The following ITPK1 variants were observed in gnomAD, a reference collection of about 807,000 sequenced individuals.
The protein encoded by ITPK1 is inositol 1,3,4-trisphosphate 5/6-kinase.
ITPK1 carries 21 observed loss-of-function variants against 45.3 expected under a neutral mutation model. The ratio of observed to expected loss-of-function variants is 0.46; its 90% CI spans 0.33 to 0.67. The LOEUF (loss-of-function observed/expected upper bound fraction) is 0.67. Among genes scored for constraint, ITPK1 ranks in the 30% least tolerant of loss-of-function variants. The pLI, the probability that ITPK1 is intolerant of heterozygous loss-of-function variation, is 0.02. For synonymous variants in ITPK1, 258 were observed against 253.6 expected (o/e 1.02, Z -0.16); for missense variants, 474 against 573.5 (o/e 0.83, Z 1.77).
chr14:92,967,129 A>T (rs1318912613), intron 5 of ITPK1, among the ~76,000 whole-genome samples: 1 of 152,250 alleles, frequency 6.6e-6, no homozygotes, highest in Non-Finnish European at 1.5e-5. Flanking sequence ...TTCAAAGAGC[A>T]CTATAAAGAA....
At chr14:92,963,876 G>A (rs1885214225) in intron 5 of ITPK1, among the ~76,000 whole-genome samples, 1 of 152,188 alleles carries the variant, frequency 6.6e-6, no homozygotes. Context: ...CTGTACTTCA[G>A]GGCACAGGGG....
intron 2 of ITPK1, among the ~76,000 whole-genome samples, chr14:93,078,896 C>A (rs1891330578): frequency 6.6e-6 from 1 of 152,180 alleles, no homozygotes; most frequent in Admixed American, 6.5e-5. Flanking sequence ...GGCCCTGCTC[C>A]AGGACAGAAA....
intron 3 of ITPK1, among the ~76,000 whole-genome samples, chr14:93,027,446 C>A (rs1005328003): frequency 6.6e-6 from 1 of 152,190 alleles, no homozygotes; most frequent in East Asian, 1.9e-4. Flanking sequence ...TCAATGACCC[C>A]ATGAGGCAGA....
chr14:92,960,952 G>A (rs1370406210), intron 7 of ITPK1, among the ~76,000 whole-genome samples: 1 of 152,202 alleles, frequency 6.6e-6, no homozygotes, highest in East Asian at 1.9e-4. Context: ...ACGGGACGGC[G>A]GGCTGTCTCC....
rs565404274 is a variant in ITPK1 at position 92,993,603 on chromosome 14, C to T, written c.364+277G>A. ...TCCTGCTCTCCAGCCACTGTGTTAC[C>T]GGGACACTTCAATGTCACCCATGGG... On this transcript the variant is annotated intron_variant, in intron 5 of 10. Transcript: ENST00000267615. Among the ~76,000 whole-genome samples, 3 of 152,270 alleles carry T rather than the reference C, an allele frequency of 2.0e-5. No individual in the cohort carries two copies. In the East Asian group the frequency reaches 5.8e-4, roughly 29 times the overall value.
chr14:93,105,449 G>A (rs1032770667), intron 2 of ITPK1, among the ~76,000 whole-genome samples: 1 of 151,790 alleles, frequency 6.6e-6, no homozygotes, highest in African/African-American at 2.4e-5. Flanking sequence ...CCCCTTCCCA[G>A]GAGAATCTTC....
intron 3 of ITPK1, among the ~76,000 whole-genome samples, chr14:93,048,509 A>C (rs1371850890): frequency 1.3e-5 from 2 of 152,196 alleles, no homozygotes; most frequent in Non-Finnish European, 2.9e-5. Flanking sequence ...CTATTCTGCC[A>C]TGCTCGCCAT....
At position 92,940,757 on chromosome 14, in the gene ITPK1, A is replaced by G; in HGVS notation, c.*804T>C. On this transcript the variant is annotated 3_prime_UTR_variant, in exon 11 of 11. Coordinates refer to ENST00000267615, the MANE Select transcript of ITPK1 (RefSeq NM_014216.6). ...CAAAGACCTGGAATGATTTGCCCAA[A>G]TCACAGCACAAATCCTCAGCACAGG... The G allele has an allele frequency of 7.8e-7, 1 of 1,289,200 alleles. No individual in the cohort carries two copies. The highest frequency in any genetic ancestry group is 1.0e-6 in the Non-Finnish European group (1 of 988,766). The allele number at this position is 1,289,200 out of a possible 1,614,324, so 79.9% of individuals were successfully genotyped here.
Position 92,993,992 on chromosome 14 carries a change from G to A in ITPK1, c.252C>T (p.Tyr84=). ...SLELVHRFQE[Y]IDAHPETIVL... ...CGATGGTCTCAGGGTGGGCATCGATGTACTCCTGAAAGGGAAGCATGCTGC... is the reference window on the plus strand; with the variant it reads ...CGATGGTCTCAGGGTGGGCATCGATATACTCCTGAAAGGGAAGCATGCTGC... The change falls in exon 5 of 11, where the codon TAC becomes TAT. Residue 84 remains tyrosine, a synonymous_variant. Transcript: ENST00000267615. 6.2e-7 allele frequency: 1 copy of A among 1,608,726 alleles called. No homozygotes were observed. Among genetic ancestry groups the A allele is most frequent in the Non-Finnish European group, 8.5e-7 (1 of 1,175,152 alleles).
At chr14:93,035,797 C>T (rs547439932) in intron 3 of ITPK1, among the ~76,000 whole-genome samples, 2 of 152,294 alleles carry the variant, frequency 1.3e-5, no homozygotes, top group Admixed American at 1.3e-4. Context: ...AGGTTTCAAC[C>T]CACCCAGGTC....
intron 3 of ITPK1, among the ~76,000 whole-genome samples, chr14:93,059,134 A>G (rs1209778541): frequency 2.9e-3 from 9 of 3,120 alleles, no homozygotes; most frequent in African/African-American, 3.3e-3. Context: ...TCACAAGGCA[A>G]GGGTGGAGGG....
rs1390462497 is a variant in ITPK1, at chr14:92,996,143, A to G, written c.247-2146T>C. On this transcript the variant is annotated intron_variant, in intron 4 of 10. Coordinates refer to ENST00000267615, the MANE Select transcript of ITPK1 (RefSeq NM_014216.6). ...AAGCCCCTAGTCCCAGCTCCTTGGG[A>G]GGCTGAGGTGGGAGGATCACTCAGG... is the stretch of plus-strand genomic sequence containing the variant. 2.6e-5 allele frequency among the ~76,000 whole-genome samples: 4 copies of G among 152,202 alleles called. No individual in the cohort carries two copies. The East Asian group carries it at 5.8e-4, about 22-fold the overall frequency.
intron 8 of ITPK1, among the ~76,000 whole-genome samples, chr14:92,957,204 G>A (rs1400558877): frequency 6.6e-6 from 1 of 152,244 alleles, no homozygotes; most frequent in African/African-American, 2.4e-5. Flanking sequence ...TCAGCTGGAG[G>A]TAAAACAGCC....
intron 8 of ITPK1, among the ~76,000 whole-genome samples, chr14:92,955,492 T>A (rs1419243768): frequency 6.6e-6 from 1 of 152,128 alleles, no homozygotes; most frequent in African/African-American, 2.4e-5. Flanking sequence ...CCCGCTAATC[T>A]CTACCCTGGC....
rs114304115 is a variant in ITPK1, at chr14:92,992,402, G to A, written c.364+1478C>T. On this transcript the variant is annotated intron_variant, in intron 5 of 10. Transcript: ENST00000267615. The stretch of plus-strand genomic sequence containing the variant: ...GATTCTGGATGGATCCAGGAAGACA[G>A]TGCAAAGGGAGATGAAGTGCACAGC... Among the ~76,000 whole-genome samples, 1,229 of 152,332 alleles carry A rather than the reference G, an allele frequency of 8.1e-3. 8 individuals are homozygous for A. The highest frequency in any genetic ancestry group is 0.028 in the African/African-American group (1,160 of 41,562).
rs773957660 is a variant in ITPK1, at chr14:93,076,669, G to A, written c.96-50C>T. The A allele has an allele frequency of 1.6e-5, 26 of 1,612,178 alleles. No individual in the cohort carries two copies. Among genetic ancestry groups the A allele is most frequent in the Middle Eastern group, 1.7e-4 (1 of 6,016 alleles). ...AGCGTTACTCCAGCAGGCTGGACACGTCCTTTCCGAAGGTTCCCGACAGCC... is the reference window on the plus strand; with the variant it reads ...AGCGTTACTCCAGCAGGCTGGACACATCCTTTCCGAAGGTTCCCGACAGCC... On this transcript the variant is annotated intron_variant, in intron 2 of 10. Coordinates refer to ENST00000267615, the MANE Select transcript of ITPK1 (RefSeq NM_014216.6). This position sits in a 1 kb window ranked among gnomAD's most constrained non-coding sequence, Gnocchi z 4.3.
chr14:93,094,973 G>A (rs1254042598), intron 2 of ITPK1, among the ~76,000 whole-genome samples: 3 of 152,166 alleles, frequency 2.0e-5, no homozygotes, highest in East Asian at 1.9e-4. Flanking sequence ...AGCTCCCTGC[G>A]CCCTCAAACA....
Position 92,999,450 on chromosome 14 carries a change from T to C in ITPK1, c.247-5453A>G, listed in dbSNP as rs1887227553. ...ATTCTGCCCACTGGGCTGCATGGCCTGAGCGCCGAGCGGGTACCATGGCAG... is the reference window on the plus strand; with the variant it reads ...ATTCTGCCCACTGGGCTGCATGGCCCGAGCGCCGAGCGGGTACCATGGCAG... On this transcript the variant is annotated intron_variant, in intron 4 of 10. Coordinates refer to ENST00000267615, the MANE Select transcript of ITPK1 (RefSeq NM_014216.6). Among the ~76,000 whole-genome samples the C allele has an allele frequency of 3.3e-5, 5 of 152,244 alleles. No individual in the cohort carries two copies. In the South Asian group the frequency reaches 1.0e-3, roughly 32 times the overall value.
rs1346849580 is a variant in ITPK1 at position 92,939,864 on chromosome 14, C to G, written c.*1697G>C. On this transcript the variant is annotated 3_prime_UTR_variant, in exon 11 of 11. Coordinates refer to ENST00000267615, the MANE Select transcript of ITPK1 (RefSeq NM_014216.6). ...AACATGTGTAAACACGTGTGAAATG[C>G]GGTTTGATTTCAGTAGTTTATTTTG... The G allele has an allele frequency of 4.1e-6, 4 of 985,602 alleles. No homozygotes were observed. Among genetic ancestry groups the G allele is most frequent in the Non-Finnish European group, 4.8e-6 (4 of 829,890 alleles). The allele number at this position is 985,602 out of a possible 1,614,324, so 61.1% of individuals were successfully genotyped here.
Sources: gnomAD v4.1 joint callset for allele counts (sites outside exome capture counted in the v4.1 genomes callset) on GRCh38, gnomAD v4.1.1 for gene constraint, Gnocchi (gnomAD v3.1) non-coding constraint, MANE v1.5 for transcripts, NCBI Gene and HGNC (gene_info 2026-07-23, HGNC 2026-07-21) for gene names.